FAM53A: variants seen among roughly 807,000 people sequenced by gnomAD.
The protein encoded by FAM53A is protein FAM53A.
Under a neutral mutation model 26.6 loss-of-function variants are expected in FAM53A, and 28 were observed. That is an observed-to-expected ratio of 1.05 (90% CI 0.78 to 1.45). The LOEUF is 1.45. FAM53A is among the 40% of genes most tolerant of loss of function. The pLI, the probability that FAM53A is intolerant of heterozygous loss-of-function variation, is 0.00. For synonymous variants in FAM53A, 290 were observed against 253.1 expected (o/e 1.15, Z -1.38); for missense variants, 650 against 575.8 (o/e 1.13, Z -1.32).
At chr4:1,576,692 C>T in the FAM53A span, among the ~76,000 whole-genome samples, 4 of 152,202 alleles carry the variant, frequency 2.6e-5, no homozygotes, top group East Asian at 1.9e-4. Flanking sequence ...AGGCCGGGGA[C>T]GCCGCAGGGG....
At chr4:1,637,257 G>A (rs989406318), downstream of FAM53A, among the ~76,000 whole-genome samples, 6 of 152,164 alleles carry the variant, frequency 3.9e-5, no homozygotes, top group Non-Finnish European at 8.8e-5. Context: ...AGACAAGCAC[G>A]GGGCCTGTGA....
chr4:1,623,400 C>T (rs896065861), intron 1 of FAM53A, among the ~76,000 whole-genome samples: 1 of 150,556 alleles, frequency 6.6e-6, no homozygotes, highest in Non-Finnish European at 1.5e-5. Flanking sequence ...CGTTTCCGGC[C>T]CCCGAGGGAT....
the FAM53A span, among the ~76,000 whole-genome samples, chr4:1,581,894 A>ATT: frequency 1.7e-3 from 248 of 145,358 alleles, 2 homozygotes; most frequent in South Asian, 9.7e-3. Context: ...CATGCCCAGC[A>ATT]TTTTTTTTTT....
chr4:1,671,305 C>T (rs1231278918), intron 1 of FAM53A, among the ~76,000 whole-genome samples: 1 of 144,504 alleles, frequency 6.9e-6, no homozygotes, highest in African/African-American at 2.5e-5. Context: ...AGCCACGGCC[C>T]GGACTCACCT....
At chr4:1,677,812 G>C (rs1413321798) in intron 1 of FAM53A, among the ~76,000 whole-genome samples, 1 of 152,124 alleles carries the variant, frequency 6.6e-6, no homozygotes, top group Non-Finnish European at 1.5e-5. Flanking sequence ...GAGCGTGGTA[G>C]CAGGCGCCTA....
At chr4:1,648,068 G>C (rs1712404168) in intron 4 of FAM53A, among the ~76,000 whole-genome samples, 3 of 152,150 alleles carry the variant, frequency 2.0e-5, no homozygotes, top group Admixed American at 2.0e-4. Context: ...TATTAGCTGG[G>C]CACAGGAGTG....
At position 1,641,520 on chromosome 4, in the gene FAM53A, G is replaced by A; in HGVS notation, c.970C>T (p.Pro324Ser). ...CCAGGGAGGCCCCGGGAGTCACATG[G>A]GGAGGACAGAACCGTCTTCACTGGG... ...DTPVKTVLSS[P>S]CDSRGLPGIT... Residue 324 changes from proline to serine, a missense_variant, in exon 5 of 5, where the codon CCA becomes TCA. Pro to Ser is a moderately conservative substitution (Grantham distance 74). Transcript: ENST00000308132. 6.2e-7 allele frequency: 1 copy of A among 1,614,224 alleles called. No individual in the cohort carries two copies. Among genetic ancestry groups the A allele is most frequent in the Non-Finnish European group, 8.5e-7 (1 of 1,180,020 alleles).
the FAM53A span, among the ~76,000 whole-genome samples, chr4:1,596,182 G>A: frequency 6.6e-6 from 1 of 152,320 alleles, no homozygotes; most frequent in African/African-American, 2.4e-5. Flanking sequence ...CACCTCCAGG[G>A]ACCATGCATG....
chr4:1,608,902 G>A, the FAM53A span, among the ~76,000 whole-genome samples: 1 of 152,138 alleles, frequency 6.6e-6, no homozygotes, highest in South Asian at 2.1e-4. Flanking sequence ...ACGGGACGGA[G>A]GGCGCCAGGG....
chr4:1,615,551 G>T (rs576482668), downstream of FAM53A, among the ~76,000 whole-genome samples: 2 of 147,992 alleles, frequency 1.4e-5, no homozygotes, highest in South Asian at 4.3e-4. Flanking sequence ...GGCACACATG[G>T]AAGACAGGAT....
chr4:1,641,305 G>T lies in FAM53A; in HGVS notation c.1185C>A (p.Ile395=). ...GCCCCCACCAGCCTCAGTTGTTCTC[G>T]ATCTGCTCCAGGTCCAGCTCCCAGC... ...RARWELDLEQ[I]ENN is the part of the protein sequence containing the mutation. Residue 395 remains isoleucine (I), a synonymous_variant, in exon 5 of 5, where the codon ATC becomes ATA. Transcript: ENST00000308132. 1 of 1,612,974 alleles carries T rather than the reference G, an allele frequency of 6.2e-7. No individual in the cohort carries two copies. The highest frequency in any genetic ancestry group is 1.1e-5 in the South Asian group (1 of 91,058).
At chr4:1,593,805 C>T in the FAM53A span, among the ~76,000 whole-genome samples, 1 of 151,984 alleles carries the variant, frequency 6.6e-6, no homozygotes, top group Admixed American at 6.6e-5. Flanking sequence ...GCAGAAGACG[C>T]GCGCTCGGGT....
chr4:1,595,700 T>G, the FAM53A span, among the ~76,000 whole-genome samples: 1 of 152,118 alleles, frequency 6.6e-6, no homozygotes, highest in Non-Finnish European at 1.5e-5. Flanking sequence ...AGCACACAGC[T>G]CCCAGGAGCC....
In FAM53A at chr4:1,668,836, T is replaced by C; in HGVS notation, c.-95A>G. Reference sequence around the variant, plus strand: ...CCCCAGCATTGCTGGGTCAGCCAAATCTCAAGGTCATGTCTCCACTTTCTT... The same window carrying C: ...CCCCAGCATTGCTGGGTCAGCCAAACCTCAAGGTCATGTCTCCACTTTCTT... On this transcript the variant is annotated 5_prime_UTR_variant, in exon 2 of 5. Coordinates refer to ENST00000308132, the MANE Select transcript of FAM53A (RefSeq NM_001174070.3). 8.5e-7 allele frequency: 1 copy of C among 1,177,986 alleles called. No individual in the cohort carries two copies. Among genetic ancestry groups the C allele is most frequent in the East Asian group, 2.4e-5 (1 of 41,880 alleles). The allele number at this position is 1,177,986 out of a possible 1,614,324, so 73.0% of individuals were successfully genotyped here.
rs868148369 is a variant in FAM53A, at chr4:1,625,560, G to A, written c.432-7449C>T. Among the ~76,000 whole-genome samples the A allele has an allele frequency of 5.0e-3, 352 of 70,154 alleles. 7 individuals carry two copies. Among genetic ancestry groups the A allele is most frequent in the Non-Finnish European group, 7.2e-3 (265 of 36,610 alleles). The allele number at this position is 70,154 out of a possible 152,430, so 46.0% of individuals were successfully genotyped here. On this transcript the variant is annotated intron_variant, in intron 1 of 1. Transcript: ENST00000489029. ...AGGTGATCAGAAGGCCCCACGTCCC[G>A]GCCCACGTGGTCAGGGTCACGCCAG...
rs1025401491 is a variant in FAM53A, at chr4:1,640,378, C to T, written c.*915G>A. ...ACGGGGCCAGTGGGACTCTGACCAC[C>T]AACGCCCGGGGTTTCCTAGCAACTA... On this transcript the variant is annotated 3_prime_UTR_variant, in exon 5 of 5. Transcript: ENST00000308132. The T allele has an allele frequency of 5.9e-5, 15 of 255,388 alleles. No individual in the cohort carries two copies. In the Admixed American group the frequency reaches 8.8e-4, roughly 15 times the overall value. 15.8% of individuals were successfully genotyped at this position (255,388 alleles called of 1,614,324 possible). A position where few individuals can be genotyped will look rare whatever the true frequency, so the allele number is the denominator to read the frequency against.
At chr4:1,633,962 G>A (rs1715725976) in intron 1 of FAM53A, among the ~76,000 whole-genome samples, 1 of 152,212 alleles carries the variant, frequency 6.6e-6, no homozygotes, top group Non-Finnish European at 1.5e-5. Flanking sequence ...CCACCATTCA[G>A]GGCAATGAGG....
At chr4:1,602,369 C>T in the FAM53A span, among the ~76,000 whole-genome samples, 1 of 152,214 alleles carries the variant, frequency 6.6e-6, no homozygotes, top group East Asian at 1.9e-4. Flanking sequence ...CCGTCAATTC[C>T]CTGGCCAGGA....
At chr4:1,658,085 A>ACTACAAGC (rs1286252122) in intron 2 of FAM53A, among the ~76,000 whole-genome samples, 1 of 151,078 alleles carries the variant, frequency 6.6e-6, no homozygotes, top group Non-Finnish European at 1.5e-5. Context: ...ATCTCTGCTT[A>ACTACAAGC]CTACAAGCTC....
Sources: gnomAD v4.1 joint callset for allele counts (sites outside exome capture counted in the v4.1 genomes callset) on GRCh38, gnomAD v4.1.1 for gene constraint, MANE v1.5 for transcripts, NCBI Gene and HGNC (gene_info 2026-07-23, HGNC 2026-07-21) for gene names.